The following SMAD6 variants were observed in gnomAD, a reference collection of about 807,000 sequenced individuals.
SMAD6 encodes SMAD family member 6, also known as MAD homolog 6.
SMAD6 carries 103 observed loss-of-function variants against 39.4 expected under a neutral mutation model. The observed-to-expected ratio is 2.62, with a 90% CI of 2.23 to 3.08. SMAD6 has a LOEUF of 3.08. Among genes scored for constraint, SMAD6 ranks in the 30% most tolerant of loss-of-function variants. The pLI, the probability that SMAD6 is intolerant of heterozygous loss-of-function variation, is 0.00. For synonymous variants in SMAD6, 445 were observed against 353.3 expected, an observed-to-expected ratio of 1.26 and a Z score of -2.91; for missense variants, 1,104 against 742.9, an observed-to-expected ratio of 1.49 and a Z score of -5.65.
At chr15:66,711,993 G>A (rs1893241246) in intron 2 of SMAD6, among the ~76,000 whole-genome samples, 1 of 152,212 alleles carries the variant, frequency 6.6e-6, no homozygotes. Flanking sequence ...ACATGGGCCT[G>A]TCGAAGATGA....
At chr15:66,768,725 T>A (rs557515273) in intron 3 of SMAD6, among the ~76,000 whole-genome samples, 64 of 152,320 alleles carry the variant, frequency 4.2e-4, no homozygotes, top group African/African-American at 1.4e-3. Flanking sequence ...GCAACAATAA[T>A]TGCCACAGTG....
At chr15:66,738,216 C>T (rs115557828) in intron 3 of SMAD6, among the ~76,000 whole-genome samples, 2,756 of 152,244 alleles carry the variant, frequency 0.018, 77 homozygotes, top group African/African-American at 0.061. Flanking sequence ...GCCCCCTGCC[C>T]GTGGGAAGCT....
intron 3 of SMAD6, among the ~76,000 whole-genome samples, chr15:66,739,752 C>T (rs952900559): frequency 1.3e-5 from 2 of 152,092 alleles, no homozygotes; most frequent in African/African-American, 4.8e-5. Context: ...TCTGACTGTC[C>T]AGAGATAACC....
At chr15:66,754,845 A>G (rs1278289850) in intron 3 of SMAD6, among the ~76,000 whole-genome samples, 2 of 152,198 alleles carry the variant, frequency 1.3e-5, no homozygotes, top group Admixed American at 6.5e-5. Context: ...GGCTCCTAGC[A>G]GAGGTAGCAG....
chr15:66,745,431 C>CT (rs1312392688), intron 3 of SMAD6, among the ~76,000 whole-genome samples: 1 of 152,018 alleles, frequency 6.6e-6, no homozygotes, highest in African/African-American at 2.4e-5. Flanking sequence ...CTGGGCCCCA[C>CT]TTTTAAACAG....
intron 3 of SMAD6, among the ~76,000 whole-genome samples, chr15:66,728,292 G>A (rs919124144): frequency 2.0e-5 from 3 of 152,178 alleles, no homozygotes; most frequent in East Asian, 1.9e-4. Flanking sequence ...TAACCCCATC[G>A]TGTAGTTTTC....
At chr15:66,741,073 G>A (rs1298008195) in intron 3 of SMAD6, 2 of 152,196 alleles carry the variant, frequency 1.3e-5, no homozygotes, top group Admixed American at 1.3e-4. Context: ...GGCCTCCAAT[G>A]GCCCTCATCC....
intron 3 of SMAD6, among the ~76,000 whole-genome samples, chr15:66,771,674 A>C (rs1209136908): frequency 6.6e-6 from 1 of 152,040 alleles, no homozygotes; most frequent in Admixed American, 6.5e-5. Context: ...CCTGCGCTGC[A>C]CTCTGACTTT....
At chr15:66,704,924 C>G (rs1470001164) in intron 1 of SMAD6, 1 of 152,618 alleles carries the variant, frequency 6.6e-6, no homozygotes, top group Non-Finnish European at 1.5e-5. Flanking sequence ...GGCAGAGGCC[C>G]CAGCAGGTCA....
chr15:66,728,873 A>G (rs917305183), intron 3 of SMAD6, among the ~76,000 whole-genome samples: 5 of 152,224 alleles, frequency 3.3e-5, no homozygotes, highest in African/African-American at 1.2e-4. Flanking sequence ...GTTACAATCA[A>G]TACCTTATAC....
intron 3 of SMAD6, among the ~76,000 whole-genome samples, chr15:66,718,283 C>G (rs1451626211): frequency 1.3e-5 from 2 of 152,180 alleles, no homozygotes; most frequent in African/African-American, 4.8e-5. Flanking sequence ...CAGGAGGCCT[C>G]TCCCTCAATC....
chr15:66,767,235 A>G (rs1417361833), intron 3 of SMAD6, among the ~76,000 whole-genome samples: 1 of 152,176 alleles, frequency 6.6e-6, no homozygotes, highest in African/African-American at 2.4e-5. Context: ...GAATTGGGAA[A>G]CCTTCCACAG....
chr15:66,756,658 C>T (rs944255097), intron 3 of SMAD6, among the ~76,000 whole-genome samples: 5 of 89,268 alleles, frequency 5.6e-5, no homozygotes, highest in African/African-American at 1.9e-4. Flanking sequence ...ATACACATGG[C>T]AGAATCTGCC....
intron 3 of SMAD6, among the ~76,000 whole-genome samples, chr15:66,726,787 C>A (rs575883176): frequency 6.6e-6 from 1 of 152,192 alleles, no homozygotes; most frequent in East Asian, 1.9e-4. Context: ...TCTCCACCCT[C>A]TTTGCACATC....
intron 3 of SMAD6, chr15:66,717,413 T>C (rs1318082592): frequency 2.2e-6 from 1 of 456,126 alleles, no homozygotes; most frequent in Non-Finnish European, 4.4e-6. Context: ...TTGGCCGCTT[T>C]ATATGCATTC....
intron 3 of SMAD6, among the ~76,000 whole-genome samples, chr15:66,771,119 C>T (rs1435866621): frequency 6.6e-6 from 1 of 152,104 alleles, no homozygotes; most frequent in Non-Finnish European, 1.5e-5. Flanking sequence ...ATGGCCAGAC[C>T]GGTGAGCTGC....
chr15:66,711,564 G>A, intron 1 of SMAD6, 104 bp from the exon 2 acceptor site: 1 of 902,976 alleles, frequency 1.1e-6, no homozygotes, highest in Admixed American at 1.7e-5. Flanking sequence ...AGGGCTTCCT[G>A]GAGGCTGAGT....
intron 1 of SMAD6, chr15:66,708,816 G>A (rs142756715): frequency 2.1e-4 from 93 of 448,204 alleles, no homozygotes; most frequent in African/African-American, 1.6e-3. Flanking sequence ...TTCTTTTTGC[G>A]ATAAAAAAAA....
At chr15:66,775,263 G>A (rs1894447227) in intron 3 of SMAD6, among the ~76,000 whole-genome samples, 1 of 152,134 alleles carries the variant, frequency 6.6e-6, no homozygotes, top group East Asian at 1.9e-4. Context: ...CGTGCTCAAT[G>A]GGATGCCCTT....
Sources: gnomAD v4.1 joint callset for allele counts (sites outside exome capture counted in the v4.1 genomes callset) on GRCh38, gnomAD v4.1.1 for gene constraint, MANE v1.5 for transcripts, NCBI Gene and HGNC (gene_info 2026-07-23, HGNC 2026-07-21) for gene names.